The following PEDS1 variants were observed in gnomAD, a reference collection of about 807,000 sequenced individuals.
The protein encoded by PEDS1 is CarF homolog.
PEDS1 carries 14 observed loss-of-function variants against 35.2 expected under a neutral mutation model. That is an observed-to-expected ratio of 0.40 (90% CI 0.26 to 0.62). The LOEUF is 0.62. PEDS1 is among the 20% of genes least tolerant of loss of function. PEDS1 has a pLI of 0.44. For missense variants in PEDS1, 260 were observed against 367.8 expected (o/e 0.71, Z 2.40); for synonymous variants, 152 against 152.0 (o/e 1.00, Z 0.00).
intron 2 of PEDS1, among the ~76,000 whole-genome samples, chr20:50,136,797 G>A (rs1393978495): frequency 5.3e-5 from 8 of 151,874 alleles, no homozygotes; most frequent in Non-Finnish European, 1.0e-4. Flanking sequence ...AGCACTTTGG[G>A]AGGCCACGGT....
Position 50,131,759 on chromosome 20 carries a change from C to T in PEDS1, c.242-812G>A, listed in dbSNP as rs927363624. Among the ~76,000 whole-genome samples the T allele has an allele frequency of 6.7e-5, 9 of 134,704 alleles. No homozygotes were observed. The South Asian group carries it at 7.0e-4, about 11-fold the overall frequency. The allele number at this position is 134,704 out of a possible 152,430, so 88.4% of individuals were successfully genotyped here. On this transcript the variant is annotated intron_variant, in intron 2 of 5. Transcript: ENST00000371652. The stretch of plus-strand genomic sequence containing the variant: ...TCCTTGTTTCTGTTCTCAATCTGTT[C>T]GGAACTTGAGCAGGGTTCCCTCAGA...
intron 2 of PEDS1, among the ~76,000 whole-genome samples, chr20:50,140,120 G>T (rs1160732156): frequency 6.6e-6 from 1 of 152,186 alleles, no homozygotes. Context: ...AGAAACCTTG[G>T]AGTCAAGCTA....
chr20:50,122,972 A>G lies in PEDS1; in HGVS notation c.*2086T>C, dbSNP rs1182805879. The G allele has an allele frequency of 1.3e-5, 2 of 151,510 alleles. No homozygotes were observed. The highest frequency in any genetic ancestry group is 4.9e-5 in the African/African-American group (2 of 41,208). The allele number at this position is 151,510 out of a possible 1,614,324, so 9.4% of individuals were successfully genotyped here. Reference sequence around the variant, plus strand: ...AAATAGCCAAGCCAGGTGTGGCGGCATGTGCTAGTCCCAGCCACTCATGAG... The same window carrying G: ...AAATAGCCAAGCCAGGTGTGGCGGCGTGTGCTAGTCCCAGCCACTCATGAG... On this transcript the variant is annotated 3_prime_UTR_variant, in exon 6 of 6. Coordinates refer to ENST00000371652, the MANE Select transcript of PEDS1 (RefSeq NM_199129.4).
chr20:50,153,586 C>T lies in PEDS1; in HGVS notation c.52G>A (p.Glu18Lys). ...PGQQLELDED[E>K]ASCCRWGAQH... ...GCGCCCCAGCGGCAACAAGACGCCT[C>T]GTCCTCGTCCAGCTCCAGCTGCTGG... The change falls in exon 1 of 6, where the codon GAG becomes AAG. Residue 18 changes from glutamate (E) to lysine (K), a missense_variant. Coordinates refer to ENST00000371652, the MANE Select transcript of PEDS1 (RefSeq NM_199129.4). 1.4e-6 allele frequency: 2 copies of T among 1,428,494 alleles called. No homozygotes were observed. Among genetic ancestry groups the T allele is most frequent in the South Asian group, 2.7e-5 (2 of 72,908 alleles). The allele number at this position is 1,428,494 out of a possible 1,614,324, so 88.5% of individuals were successfully genotyped here. A position where few individuals can be genotyped will look rare whatever the true frequency, so the allele number is the denominator to read the frequency against.
At position 50,124,987 on chromosome 20, in the gene PEDS1, C is replaced by T; in HGVS notation, c.*71G>A. 1 of 1,591,864 alleles carries T rather than the reference C, an allele frequency of 6.3e-7. No individual in the cohort carries two copies. The highest frequency in any genetic ancestry group is 8.6e-7 in the Non-Finnish European group (1 of 1,165,456). The stretch of plus-strand genomic sequence containing the variant: ...ATCTGGAGGGGCCAGCTCAAAGAGG[C>T]TGGAATTTGGCAGATGGCTTCGGTT... On this transcript the variant is annotated 3_prime_UTR_variant, in exon 6 of 6. Transcript: ENST00000371652.
chr20:50,144,608 C>T (rs962359393), intron 1 of PEDS1, among the ~76,000 whole-genome samples: 8 of 152,194 alleles, frequency 5.3e-5, no homozygotes, highest in East Asian at 3.9e-4. Context: ...CTGATTCACT[C>T]GCTGCAGCTT....
rs1321475698 is a variant in PEDS1 at position 50,128,137 on chromosome 20, T to C, written c.529A>G (p.Ile177Val). The C allele has an allele frequency of 1.9e-6, 3 of 1,613,992 alleles. No individual in the cohort carries two copies. Among genetic ancestry groups the C allele is most frequent in the South Asian group, 1.1e-5 (1 of 91,082 alleles). Residue 177 changes from isoleucine (I) to valine (V), a missense_variant, in exon 5 of 6, where the codon ATC becomes GTC. Around this residue, in one of 4 missense-constraint regions of PEDS1, gnomAD observed 83 missense variants for 142.8 expected, o/e 0.58. Coordinates refer to ENST00000371652, the MANE Select transcript of PEDS1 (RefSeq NM_199129.4). The surrounding 1 kb of genome is among the most constrained non-coding windows in gnomAD (Gnocchi z 5.2). ...ATCTGGTTGGTGAAGGTGCCGAAGA[T>C]GATCAGGCAGAAGACGAAGCACTCC... ...PWECFVFCLIIFGTFTNQIHK... is the reference protein window; with the variant it reads ...PWECFVFCLIVFGTFTNQIHK...
chr20:50,136,155 G>T (rs758354069), intron 2 of PEDS1, among the ~76,000 whole-genome samples: 2 of 151,856 alleles, frequency 1.3e-5, no homozygotes, highest in Non-Finnish European at 2.9e-5. Flanking sequence ...CCGTGCCAAC[G>T]CCTTAAATGT....
At chr20:50,150,239 T>A (rs114924408) in intron 1 of PEDS1, among the ~76,000 whole-genome samples, 2,573 of 152,278 alleles carry the variant, frequency 0.017, 66 homozygotes, top group African/African-American at 0.054. Context: ...CACTCGGCTA[T>A]GTTGATTGCC....
At chr20:50,149,841 A>AC (rs1350575683) in intron 1 of PEDS1, among the ~76,000 whole-genome samples, 14 of 151,856 alleles carry the variant, frequency 9.2e-5, no homozygotes, top group Admixed American at 7.2e-4. Flanking sequence ...AACCTAGCGC[A>AC]CCCCCACCCG....
intron 1 of PEDS1, among the ~76,000 whole-genome samples, chr20:50,151,812 T>C (rs2081407318): frequency 6.6e-6 from 1 of 151,894 alleles, no homozygotes. Flanking sequence ...TGAGCCGAGA[T>C]CACGCCACTG....
intron 5 of PEDS1, among the ~76,000 whole-genome samples, chr20:50,126,450 G>A (rs1227788495): frequency 6.6e-6 from 1 of 152,224 alleles, no homozygotes; most frequent in African/African-American, 2.4e-5. Flanking sequence ...ACATGAAAAA[G>A]AATGTTTTTT....
At chr20:50,135,987 T>C (rs2081230186) in intron 2 of PEDS1, among the ~76,000 whole-genome samples, 1 of 152,256 alleles carries the variant, frequency 6.6e-6, no homozygotes, top group African/African-American at 2.4e-5. Context: ...CCATTTGGGC[T>C]GTTTCCAGTC....
intron 1 of PEDS1, among the ~76,000 whole-genome samples, chr20:50,150,384 A>T (rs2081390562): frequency 6.6e-6 from 1 of 152,056 alleles, no homozygotes; most frequent in Non-Finnish European, 1.5e-5. Flanking sequence ...TTCCCTAAAC[A>T]TGCCTGGCAA....
intron 2 of PEDS1, among the ~76,000 whole-genome samples, chr20:50,134,935 C>T (rs940501559): frequency 3.9e-5 from 6 of 152,092 alleles, no homozygotes; most frequent in Admixed American, 2.6e-4. Context: ...GTAATCCCAG[C>T]ACTTTGGGAG....
At position 50,124,981 on chromosome 20, in the gene PEDS1, A is replaced by C; in HGVS notation, c.*77T>G. On this transcript the variant is annotated 3_prime_UTR_variant, in exon 6 of 6. Coordinates refer to ENST00000371652, the MANE Select transcript of PEDS1 (RefSeq NM_199129.4). The stretch of plus-strand genomic sequence containing the variant: ...CTCTCCATCTGGAGGGGCCAGCTCA[A>C]AGAGGCTGGAATTTGGCAGATGGCT... 2.5e-6 allele frequency: 4 copies of C among 1,584,518 alleles called. No individual in the cohort carries two copies. The South Asian group carries it at 4.6e-5, about 18-fold the overall frequency.
At chr20:50,126,621 A>G (rs1361683189) in intron 5 of PEDS1, among the ~76,000 whole-genome samples, 1 of 152,232 alleles carries the variant, frequency 6.6e-6, no homozygotes, top group Non-Finnish European at 1.5e-5. Flanking sequence ...TGTAAGGAGA[A>G]AAGCGGTCCC....
intron 5 of PEDS1, among the ~76,000 whole-genome samples, chr20:50,125,545 T>TATCTATCTATCTATCTATCC (rs1555883141): frequency 0.016 from 184 of 11,372 alleles, no homozygotes; most frequent in African/African-American, 0.036. Context: ...CATTACCCTT[T>TATCTATCTATCTATCTATCC]ATCTATCTAT....
chr20:50,128,494 GGCTGGATCGGTGACTCTGCCTCTAAGAA>G lies in PEDS1; in HGVS notation c.479-335_479-308del, dbSNP rs1336563242. On this transcript the variant is annotated intron_variant, in intron 4 of 5. Transcript: ENST00000371652. This position sits in a 1 kb window ranked among gnomAD's most constrained non-coding sequence, Gnocchi z 5.2. ...TCTGCCGACATTTCTTGGCAGTATG[GGCTGGATCGGTGACTCTGCCTCTAAGAA>G]GCTTAATTTCCCCATCAGGAAAATG... 6.6e-6 allele frequency among the ~76,000 whole-genome samples: 1 copy of G among 152,212 alleles called. No individual in the cohort carries two copies. Among genetic ancestry groups the G allele is most frequent in the African/African-American group, 2.4e-5 (1 of 41,450 alleles).
Sources: allele counts gnomAD v4.1 joint callset (sites outside exome capture counted in the v4.1 genomes callset), GRCh38; gene constraint gnomAD v4.1.1; regional missense constraint gnomAD v4.1.1; non-coding constraint Gnocchi (gnomAD v3.1); transcripts MANE v1.5; gene names NCBI Gene and HGNC (gene_info 2026-07-23, HGNC 2026-07-21).